CERKL: variants seen among roughly 807,000 people sequenced by gnomAD.
The protein encoded by CERKL is ceramide kinase-like protein.
In CERKL, 61 loss-of-function variants were observed where a neutral mutation model predicts 63.4. The observed-to-expected ratio is 0.96, with a 90% CI of 0.78 to 1.19. CERKL has a LOEUF of 1.19. Among genes scored for constraint, CERKL ranks in the 50% most tolerant of loss-of-function variants. The pLI is 0.00. For synonymous variants in CERKL, 250 were observed against 230.5 expected, an observed-to-expected ratio of 1.08 and a Z score of -0.77; for missense variants, 675 against 655.5, an observed-to-expected ratio of 1.03 and a Z score of -0.33.
chr2:181,610,987 G>A (rs1685945015), intron 1 of CERKL, among the ~76,000 whole-genome samples: 1 of 152,140 alleles, frequency 6.6e-6, no homozygotes, highest in South Asian at 2.1e-4. Context: ...CACTTTGGGA[G>A]GCTGAGGTGG....
At chr2:181,643,623 C>T (rs1476679221) in intron 1 of CERKL, among the ~76,000 whole-genome samples, 1 of 152,190 alleles carries the variant, frequency 6.6e-6, no homozygotes, top group African/African-American at 2.4e-5. Flanking sequence ...CATATCAGCA[C>T]AGAAATCTGT....
chr2:181,611,701 C>T (rs1309405044), intron 1 of CERKL, among the ~76,000 whole-genome samples: 1 of 151,986 alleles, frequency 6.6e-6, no homozygotes, highest in African/African-American at 2.4e-5. Flanking sequence ...AAATAAAATG[C>T]CGGGCTGACT....
intron 2 of CERKL, among the ~76,000 whole-genome samples, chr2:181,576,914 T>A (rs564915164): frequency 1.9e-4 from 29 of 152,272 alleles, no homozygotes; most frequent in Non-Finnish European, 4.0e-4. Flanking sequence ...GAAAAATTGG[T>A]AGATTCAAAT....
intron 3 of CERKL, among the ~76,000 whole-genome samples, chr2:181,567,505 T>C (rs2105835848): frequency 1.3e-5 from 2 of 152,152 alleles, no homozygotes; most frequent in East Asian, 3.9e-4. Context: ...TTTTTTGATA[T>C]TGTGGGTGGA....
intron 1 of CERKL, among the ~76,000 whole-genome samples, chr2:181,628,422 A>T (rs1411368593): frequency 6.6e-6 from 1 of 152,212 alleles, no homozygotes; most frequent in East Asian, 1.9e-4. Flanking sequence ...TGGTAAAAAT[A>T]ACTATGGATT....
intron 2 of CERKL, among the ~76,000 whole-genome samples, chr2:181,598,486 G>T (rs1214185887): frequency 6.6e-6 from 1 of 151,660 alleles, no homozygotes; most frequent in African/African-American, 2.4e-5. Context: ...CAAAGGCCTC[G>T]GCACACACCA....
chr2:181,613,643 T>C (rs1302881503), intron 1 of CERKL, among the ~76,000 whole-genome samples: 2 of 152,242 alleles, frequency 1.3e-5, no homozygotes, highest in African/African-American at 4.8e-5. Context: ...AAGAAATATT[T>C]AGTTCTTATT....
chr2:181,606,235 A>G (rs1685674365), intron 1 of CERKL, among the ~76,000 whole-genome samples: 1 of 125,794 alleles, frequency 7.9e-6, no homozygotes, highest in Non-Finnish European at 1.7e-5. Flanking sequence ...GAAGGAAGGG[A>G]GGATGGAAGA....
chr2:181,538,259 CA>C lies in CERKL; in HGVS notation c.1539-16del, dbSNP rs1559066036. 3 of 1,497,950 alleles carry C rather than the reference CA, an allele frequency of 2.0e-6. No homozygotes were observed. The highest frequency in any genetic ancestry group is 1.1e-5 in the South Asian group (1 of 88,406). 92.8% of individuals were successfully genotyped at this position (1,497,950 alleles called of 1,614,324 possible). A position where few individuals can be genotyped will look rare whatever the true frequency, so the allele number is the denominator to read the frequency against. ...TTGGATGCAATCTGTAAAGAAAATA[CA>C]TTATTTCATCAACTTATTTTGTTGT... On this transcript the variant is annotated splice_polypyrimidine_tract_variant and intron_variant, in intron 12 of 12. Coordinates refer to ENST00000410087, the MANE Select transcript of CERKL (RefSeq NM_201548.5).
intron 2 of CERKL, among the ~76,000 whole-genome samples, chr2:181,582,538 T>C (rs565648056): frequency 7.1e-6 from 1 of 141,726 alleles, no homozygotes; most frequent in African/African-American, 2.7e-5. Flanking sequence ...TATATATATG[T>C]TTTTTTTTTT....
chr2:181,547,929 T>G, intron 8 of CERKL, 82 bp from the exon 9 acceptor site: 1 of 1,115,584 alleles, frequency 9.0e-7, no homozygotes, highest in Non-Finnish European at 1.3e-6. Context: ...CTATTAAATA[T>G]GAGAAAATTA....
In CERKL at chr2:181,561,042, C is replaced by T. The variant is rs146357146; in HGVS notation, c.678-2334G>A. Among the ~76,000 whole-genome samples the T allele has an allele frequency of 2.0e-5, 3 of 152,222 alleles. No individual in the cohort carries two copies. In the East Asian group the frequency reaches 5.8e-4, roughly 29 times the overall value. On this transcript the variant is annotated intron_variant, in intron 4 of 12. Transcript: ENST00000410087. ...AGAAAATCTGAAAAACTATTCAGGT[C>T]ATAACAGGAAGGGAGGTTGGATATG... is the stretch of plus-strand genomic sequence containing the variant.
chr2:181,556,886 C>T (rs1002160456), intron 5 of CERKL, among the ~76,000 whole-genome samples: 1 of 152,154 alleles, frequency 6.6e-6, no homozygotes, highest in Non-Finnish European at 1.5e-5. Context: ...CCTATTTCTC[C>T]ACATCCTCTC....
intron 1 of CERKL, among the ~76,000 whole-genome samples, chr2:181,627,163 T>C (rs993624329): frequency 2.6e-5 from 4 of 152,212 alleles, no homozygotes; most frequent in South Asian, 2.1e-4. Context: ...TGATTAAATA[T>C]GGTTCTTTCC....
At chr2:181,585,652 C>A (rs1175671497) in intron 2 of CERKL, among the ~76,000 whole-genome samples, 6 of 152,176 alleles carry the variant, frequency 3.9e-5, no homozygotes, top group Non-Finnish European at 7.3e-5. Context: ...TATCTCATGT[C>A]TACTCCTTAT....
chr2:181,610,797 T>C (rs556021858), intron 1 of CERKL, among the ~76,000 whole-genome samples: 20 of 152,366 alleles, frequency 1.3e-4, no homozygotes, highest in Middle Eastern at 3.4e-3. Context: ...TAATTTTCCT[T>C]TCTTGTAATC....
At chr2:181,572,230 G>C (rs905503956) in intron 3 of CERKL, among the ~76,000 whole-genome samples, 1 of 151,598 alleles carries the variant, frequency 6.6e-6, no homozygotes, top group Admixed American at 6.6e-5. Flanking sequence ...TGAATCTTCC[G>C]ATCAAAATAT....
At chr2:181,646,890 T>G (rs1687694190) in intron 1 of CERKL, among the ~76,000 whole-genome samples, 1 of 151,976 alleles carries the variant, frequency 6.6e-6, no homozygotes. Context: ...CTAATGGAGA[T>G]GGTCAGAGTA....
intron 2 of CERKL, among the ~76,000 whole-genome samples, chr2:181,584,904 C>T (rs538977593): frequency 2.8e-4 from 43 of 151,790 alleles, no homozygotes; most frequent in African/African-American, 7.5e-4. Flanking sequence ...CACCCTCAGC[C>T]GCATTTGTGA....
Sources: allele counts gnomAD v4.1 joint callset (sites outside exome capture counted in the v4.1 genomes callset), GRCh38; gene constraint gnomAD v4.1.1; transcripts MANE v1.5; gene names NCBI Gene and HGNC (gene_info 2026-07-23, HGNC 2026-07-21).